The following LIPA variants were observed in gnomAD, a reference collection of about 807,000 sequenced individuals.
LIPA encodes the protein lysosomal acid lipase/cholesteryl ester hydrolase.
In LIPA, 26 loss-of-function variants were observed where a neutral mutation model predicts 40.6. The observed-to-expected ratio is 0.64, with a 90% CI of 0.47 to 0.89. The LOEUF (loss-of-function observed/expected upper bound fraction) is 0.89. Ranked by LOEUF, LIPA falls within the 40% of genes least tolerant of loss-of-function variation. The pLI is 0.00. For missense variants in LIPA, 455 were observed against 479.6 expected (o/e 0.95, Z 0.48); for synonymous variants, 188 against 168.4 (o/e 1.12, Z -0.90).
intron 1 of LIPA, among the ~76,000 whole-genome samples, chr10:89,268,832 A>G (rs1374226163): frequency 6.6e-6 from 1 of 152,026 alleles, no homozygotes; most frequent in Non-Finnish European, 1.5e-5. Flanking sequence ...TAAAAATACA[A>G]AAAGTTAGCT....
At chr10:89,351,667 C>A (rs1843959293) in intron 2 of LIPA, among the ~76,000 whole-genome samples, 2 of 152,184 alleles carry the variant, frequency 1.3e-5, no homozygotes, top group Admixed American at 6.5e-5. Context: ...TTCTTTTCTT[C>A]CTGCAGCAAC....
rs1844277592 is a variant in LIPA, at chr10:89,392,866, CAT to C, written c.61+19923_61+19924del. The C allele has an allele frequency of 1.5e-5, 12 of 792,678 alleles. No homozygotes were observed. In the East Asian group the frequency reaches 2.9e-4, roughly 19 times the overall value. 49.1% of individuals were successfully genotyped at this position (792,678 alleles called of 1,614,324 possible). ...TGCTTATGGACTGAATGTGTGCATG[CAT>C]GTGTGTGCACGTTCACACATACATA... is the stretch of plus-strand genomic sequence containing the variant. On this transcript the variant is annotated intron_variant, in intron 2 of 8. Transcript: ENST00000371837.
chr10:89,263,440 T>G (rs1843220507), intron 1 of LIPA, among the ~76,000 whole-genome samples: 1 of 152,320 alleles, frequency 6.6e-6, no homozygotes, highest in East Asian at 1.9e-4. Flanking sequence ...CTTTGGTTGG[T>G]TTTATGTTCA....
intron 1 of LIPA, chr10:89,332,448 T>C: frequency 6.9e-7 from 1 of 1,455,244 alleles, no homozygotes; most frequent in Non-Finnish European, 9.1e-7. Context: ...CAGTTTCCCC[T>C]CAAGAGGGAT....
intron 9 of LIPA, 149 bp downstream of exon 9, chr10:89,215,789 T>G: frequency 2.7e-6 from 2 of 744,996 alleles, no homozygotes; most frequent in South Asian, 2.9e-5. Context: ...GCTTGGATTG[T>G]TCTGAATGGA....
chr10:89,225,152 G>A lies in LIPA; in HGVS notation c.615C>T (p.Ser205=), dbSNP rs143930279. 2.0e-4 allele frequency: 325 copies of A among 1,614,004 alleles called. No individual in the cohort carries two copies. The highest frequency in any genetic ancestry group is 2.5e-4 in the Non-Finnish European group (294 of 1,180,002). Residue 205 remains serine (S), a synonymous_variant, in exon 6 of 10, where the codon TCC becomes TCT. Coordinates refer to ENST00000336233, the MANE Select transcript of LIPA (RefSeq NM_000235.4). ...KMFFALGPVA[S]VAFCTSPMAK... is the part of the protein sequence containing the mutation. ...CCATAGGGCTAGTACAGAAGGCGAC[G>A]GAAGCCACAGGACCCAGGGCAAAAA...
chr10:89,267,386 C>T (rs924557714), intron 1 of LIPA, among the ~76,000 whole-genome samples: 2 of 152,024 alleles, frequency 1.3e-5, no homozygotes, highest in African/African-American at 4.8e-5. Context: ...AAAATTATTC[C>T]TTAGTAGACT....
chr10:89,386,422 C>T (rs1416284181), intron 2 of LIPA, among the ~76,000 whole-genome samples: 2 of 152,134 alleles, frequency 1.3e-5, no homozygotes, highest in Admixed American at 6.6e-5. Context: ...AAACAAAGAA[C>T]GTACTTATTC....
intron 1 of LIPA, among the ~76,000 whole-genome samples, chr10:89,250,704 A>T (rs7081622): frequency 0.12 from 17,518 of 152,232 alleles, 1,855 homozygotes; most frequent in African/African-American, 0.28. Flanking sequence ...AAGGTCCATG[A>T]GAGTAACAGC....
intron 1 of LIPA, among the ~76,000 whole-genome samples, chr10:89,326,273 C>A (rs893758090): frequency 1.3e-5 from 2 of 152,112 alleles, no homozygotes; most frequent in Non-Finnish European, 2.9e-5. Flanking sequence ...AGAATGAGAT[C>A]CTGTCATTTG....
chr10:89,392,471 A>ACCCC (rs11296868), intron 2 of LIPA: 9 of 131,674 alleles, frequency 6.8e-5, no homozygotes, highest in African/African-American at 2.3e-4. Context: ...TTCATTCCCC[A>ACCCC]CCCCCCCCCG....
At chr10:89,326,774 C>A (rs1428393766) in intron 1 of LIPA, among the ~76,000 whole-genome samples, 2 of 152,172 alleles carry the variant, frequency 1.3e-5, no homozygotes, top group East Asian at 1.9e-4. Flanking sequence ...CTGGGCCCCA[C>A]CCTAGACTGA....
chr10:89,295,026 G>GAAAGGAAAGGAAAGGAAAGC (rs1564778295), intron 1 of LIPA, among the ~76,000 whole-genome samples: 1 of 123,568 alleles, frequency 8.1e-6, no homozygotes, highest in East Asian at 2.4e-4. Flanking sequence ...GAAATGAAAG[G>GAAAGGAAAGGAAAGGAAAGC]AAAGGAAAGG....
At chr10:89,412,711 C>T (rs747137909) in intron 2 of LIPA, 48 of 430,594 alleles carry the variant, frequency 1.1e-4, no homozygotes, top group East Asian at 1.1e-3. Context: ...CAACTCCGGA[C>T]GCGCCACCTT....
At chr10:89,392,743 A>G (rs772991412) in intron 2 of LIPA, 4 of 1,612,742 alleles carry the variant, frequency 2.5e-6, no homozygotes, top group South Asian at 1.1e-5. Context: ...CTCCTCTGCC[A>G]TAATGTCTAA....
At chr10:89,299,392 C>G (rs1197129727) in intron 1 of LIPA, among the ~76,000 whole-genome samples, 1 of 152,138 alleles carries the variant, frequency 6.6e-6, no homozygotes, top group Non-Finnish European at 1.5e-5. Context: ...TTATCAGTAT[C>G]TCCAAAGGCG....
intron 1 of LIPA, among the ~76,000 whole-genome samples, chr10:89,271,676 AATGAAGGT>A (rs1236481521): frequency 6.6e-6 from 1 of 152,160 alleles, no homozygotes; most frequent in Non-Finnish European, 1.5e-5. Flanking sequence ...ACCCTTTAAG[AATGAAGGT>A]ATGGGACAGC....
At chr10:89,387,815 G>A (rs1266649958) in intron 2 of LIPA, among the ~76,000 whole-genome samples, 1 of 152,158 alleles carries the variant, frequency 6.6e-6, no homozygotes, top group Non-Finnish European at 1.5e-5. Context: ...TATGTAATAA[G>A]GTAAATATAG....
chr10:89,338,879 G>A (rs138195390), intron 1 of LIPA: 15 of 1,614,104 alleles, frequency 9.3e-6, no homozygotes, highest in Middle Eastern at 1.6e-4. Context: ...GAATGCTTAC[G>A]GCAAGCTGAA....
Sources: allele counts gnomAD v4.1 joint callset (sites outside exome capture counted in the v4.1 genomes callset), GRCh38; gene constraint gnomAD v4.1.1; transcripts MANE v1.5; gene names NCBI Gene and HGNC (gene_info 2026-07-23, HGNC 2026-07-21).